The following NALCN variants were observed in gnomAD, a reference collection of about 807,000 sequenced individuals.
The protein encoded by NALCN is sodium leak channel, non-selective, also known as sodium leak channel NALCN.
NALCN carries 111 observed loss-of-function variants against 225.3 expected under a neutral mutation model. That is an observed-to-expected ratio of 0.49 (90% CI 0.42 to 0.58). The LOEUF (loss-of-function observed/expected upper bound fraction) is 0.58, where lower values mean the gene tolerates loss of function less well. Among genes scored for constraint, NALCN ranks in the 20% least tolerant of loss-of-function variants. The probability of loss-of-function intolerance (pLI) is 0.00; values close to 1 mark genes in which losing one functional copy is unlikely to be tolerated. For missense variants in NALCN, 1,378 were observed against 2,202.4 expected, an observed-to-expected ratio of 0.63 and a Z score of 7.49; for synonymous variants, 764 against 769.0, an observed-to-expected ratio of 0.99 and a Z score of 0.11.
chr13:101,084,500 C>T (rs2033833535), intron 30 of NALCN, among the ~76,000 whole-genome samples: 1 of 152,150 alleles, frequency 6.6e-6, no homozygotes, highest in South Asian at 2.1e-4. Flanking sequence ...GGCGTGCATC[C>T]TCCTTACTAT....
intron 12 of NALCN, among the ~76,000 whole-genome samples, chr13:101,231,999 T>TC (rs1443468481): frequency 1.4e-5 from 2 of 140,698 alleles, no homozygotes; most frequent in Non-Finnish European, 3.1e-5. Flanking sequence ...TTCTATTTCT[T>TC]TTTTTTTTTT....
At chr13:101,284,650 C>T (rs2043278496) in intron 9 of NALCN, among the ~76,000 whole-genome samples, 1 of 152,162 alleles carries the variant, frequency 6.6e-6, no homozygotes, top group South Asian at 2.1e-4. Flanking sequence ...AGCAATTAAC[C>T]TGCTCAGCAG....
At chr13:101,138,677 G>A (rs1372696711) in intron 17 of NALCN, among the ~76,000 whole-genome samples, 4 of 152,196 alleles carry the variant, frequency 2.6e-5, no homozygotes, top group South Asian at 4.1e-4. Flanking sequence ...GCAGTGAGAC[G>A]CTGTAGACTC....
chr13:101,287,478 T>C (rs1391227433), intron 9 of NALCN, among the ~76,000 whole-genome samples: 2 of 152,206 alleles, frequency 1.3e-5, no homozygotes, highest in African/African-American at 2.4e-5. Flanking sequence ...GGTTAGATAA[T>C]TAACTTTCCA....
At chr13:101,398,924 A>AT (rs2047388730) in intron 2 of NALCN, 95 bp downstream of exon 2, 1 of 756,850 alleles carries the variant, frequency 1.3e-6, no homozygotes, top group Non-Finnish European at 2.3e-6. Context: ...TGCAGCTCAG[A>AT]TATTTCGAAG....
intron 17 of NALCN, among the ~76,000 whole-genome samples, chr13:101,139,019 G>A (rs892675954): frequency 1.3e-5 from 2 of 151,990 alleles, no homozygotes; most frequent in South Asian, 2.1e-4. Flanking sequence ...CGTTTCTATG[G>A]AGTCTCAAAC....
At chr13:101,347,931 GAAC>G (rs1040325947) in intron 6 of NALCN, among the ~76,000 whole-genome samples, 4 of 152,056 alleles carry the variant, frequency 2.6e-5, no homozygotes, top group African/African-American at 9.7e-5. Context: ...TGTAAAAACA[GAAC>G]AATAAAGACT....
At chr13:101,267,774 T>C (rs1377786935) in intron 10 of NALCN, among the ~76,000 whole-genome samples, 1 of 152,188 alleles carries the variant, frequency 6.6e-6, no homozygotes, top group Non-Finnish European at 1.5e-5. Flanking sequence ...TCAGCTGAGA[T>C]TGGCTCAGAC....
chr13:101,079,263 T>C (rs2033463129), intron 34 of NALCN, among the ~76,000 whole-genome samples: 1 of 152,254 alleles, frequency 6.6e-6, no homozygotes, highest in Non-Finnish European at 1.5e-5. Context: ...AAAGATCTAT[T>C]GCAGATACCT....
At chr13:101,236,840 A>C (rs969219231) in intron 12 of NALCN, among the ~76,000 whole-genome samples, 3 of 151,398 alleles carry the variant, frequency 2.0e-5, no homozygotes, top group Admixed American at 6.6e-5. Context: ...GGTGCAGCAC[A>C]CCAGCATGGC....
At chr13:101,202,620 C>A (rs750477282) in intron 13 of NALCN, among the ~76,000 whole-genome samples, 2 of 152,122 alleles carry the variant, frequency 1.3e-5, no homozygotes. Context: ...CATGGCTGCC[C>A]CTAGCCATCC....
chr13:101,347,965 C>T (rs566421086), intron 6 of NALCN, among the ~76,000 whole-genome samples: 1 of 152,200 alleles, frequency 6.6e-6, no homozygotes, highest in Non-Finnish European at 1.5e-5. Flanking sequence ...GGAGAAGAAA[C>T]TTTAGCATGT....
At position 101,054,279 on chromosome 13, in the gene NALCN, G is replaced by GGAA. The variant is rs1444421660; in HGVS notation, c.*1013_*1015dup. 3.3e-5 allele frequency: 5 copies of GGAA among 152,168 alleles called. No individual in the cohort carries two copies. Among genetic ancestry groups the GGAA allele is most frequent in the African/African-American group, 1.2e-4 (5 of 41,442 alleles). 9.4% of individuals were successfully genotyped at this position (152,168 alleles called of 1,614,324 possible). On this transcript the variant is annotated 3_prime_UTR_variant, in exon 44 of 44. Coordinates refer to ENST00000251127, the MANE Select transcript of NALCN (RefSeq NM_052867.4). ...GTGATCCCTAACCTGTGAGTTCAAA[G>GGAA]GAAGATTTTGCAGGGCACCATTATT...
chr13:101,184,222 A>G (rs900550624), intron 14 of NALCN, among the ~76,000 whole-genome samples: 4 of 152,196 alleles, frequency 2.6e-5, no homozygotes, highest in Non-Finnish European at 5.9e-5. Flanking sequence ...TCAGTGTGGA[A>G]AATGCCACAT....
At chr13:101,131,298 T>A (rs903782983) in intron 17 of NALCN, among the ~76,000 whole-genome samples, 6 of 152,224 alleles carry the variant, frequency 3.9e-5, no homozygotes, top group African/African-American at 1.4e-4. Flanking sequence ...TTTCCTTGTC[T>A]ACAGTGAGAG....
At chr13:101,057,009 C>A (rs913712351) in intron 43 of NALCN, 1 of 152,168 alleles carries the variant, frequency 6.6e-6, no homozygotes, top group Non-Finnish European at 1.5e-5. Flanking sequence ...AAAGGGGATA[C>A]TTTCCTTGGT....
At chr13:101,213,426 C>T (rs1286929196) in intron 13 of NALCN, among the ~76,000 whole-genome samples, 1 of 152,146 alleles carries the variant, frequency 6.6e-6, no homozygotes, top group Non-Finnish European at 1.5e-5. Context: ...GCAATGGCAA[C>T]AGGAGCCAAA....
chr13:101,370,881 T>C (rs959456138), intron 6 of NALCN, among the ~76,000 whole-genome samples: 4 of 152,182 alleles, frequency 2.6e-5, no homozygotes, highest in African/African-American at 9.6e-5. Context: ...AAAGGTTTCT[T>C]GAGGCCCCTT....
chr13:101,406,501 C>T (rs1458625715), intron 1 of NALCN, among the ~76,000 whole-genome samples: 1 of 152,104 alleles, frequency 6.6e-6, no homozygotes, highest in Admixed American at 6.5e-5. Flanking sequence ...ATGACTTTTT[C>T]AATATATTTA....
Sources: allele counts gnomAD v4.1 joint callset (sites outside exome capture counted in the v4.1 genomes callset), GRCh38; gene constraint gnomAD v4.1.1; transcripts MANE v1.5; gene names NCBI Gene and HGNC (gene_info 2026-07-23, HGNC 2026-07-21).